The following SOD2 variants were observed in gnomAD, a reference collection of about 807,000 sequenced individuals.
The protein encoded by SOD2 is superoxide dismutase 2.
A neutral mutation model predicts 27.0 loss-of-function variants in SOD2; 11 were observed. The observed-to-expected ratio is 0.41, with a 90% CI of 0.26 to 0.67. The LOEUF (loss-of-function observed/expected upper bound fraction) is 0.67, where lower values mean the gene tolerates loss of function less well. Ranked by LOEUF, SOD2 falls within the 30% of genes least tolerant of loss-of-function variation. SOD2 has a pLI of 0.34. For synonymous variants in SOD2, 105 were observed against 103.0 expected, an observed-to-expected ratio of 1.02 and a Z score of -0.12; for missense variants, 250 against 274.5, an observed-to-expected ratio of 0.91 and a Z score of 0.63.
At chr6:159,712,979 G>T (rs1176042938) in intron 1 of SOD2, 3 of 620,086 alleles carry the variant, frequency 4.8e-6, no homozygotes, top group Non-Finnish European at 8.9e-6. Flanking sequence ...AGCTGCCACT[G>T]CATCTTCGTG....
intron 1 of SOD2, among the ~76,000 whole-genome samples, chr6:159,706,682 C>G (rs1458226429): frequency 6.6e-6 from 1 of 152,102 alleles, no homozygotes; most frequent in Non-Finnish European, 1.5e-5. Flanking sequence ...GACTTTAACA[C>G]CCCACTGTCA....
chr6:159,726,554 TC>T, intron 1 of SOD2: 1 of 343,774 alleles, frequency 2.9e-6, no homozygotes, highest in Admixed American at 4.0e-5. Flanking sequence ...TTTCACGTTC[TC>T]CAGGTAACAC....
At chr6:159,756,594 CT>C (rs3066261) in intron 1 of SOD2, among the ~76,000 whole-genome samples, 24,122 of 94,048 alleles carry the variant, frequency 0.26, 2,604 homozygotes, top group East Asian at 0.4. Context: ...ATTTCTTAGG[CT>C]TTTTTTTTTT....
chr6:159,687,943 G>A (rs780025095), intron 3 of SOD2, among the ~76,000 whole-genome samples, 183 bp downstream of exon 3: 1 of 152,186 alleles, frequency 6.6e-6, no homozygotes, highest in Non-Finnish European at 1.5e-5. Flanking sequence ...CCCAGGAAGC[G>A]GAGGTTGCAG....
At chr6:159,730,143 A>G (rs973639980), upstream of SOD2, among the ~76,000 whole-genome samples, 1 of 152,222 alleles carries the variant, frequency 6.6e-6, no homozygotes, top group Non-Finnish European at 1.5e-5. Flanking sequence ...TTATTAATTA[A>G]TAGCTGTTTT....
upstream of SOD2, among the ~76,000 whole-genome samples, chr6:159,695,623 A>C (rs1777409467): frequency 6.6e-6 from 1 of 152,094 alleles, no homozygotes; most frequent in East Asian, 1.9e-4. Context: ...GCCTCCCAAG[A>C]AGCTGGAACT....
exon 1 of SOD2, chr6:159,761,435 C>G (rs1302417973): frequency 9.1e-6 from 4 of 440,122 alleles, no homozygotes; most frequent in Non-Finnish European, 1.8e-5. Flanking sequence ...CGTTCACAGC[C>G]AGAGTTGATC....
rs896675812 is a variant in SOD2, at chr6:159,675,547, G to A, written c.*6946C>T. ...TGCTGGGAAAACTGGCTAGCCACATGTAGAAAGCTGAAACTGGATCCCTTC... is the reference window on the plus strand; with the variant it reads ...TGCTGGGAAAACTGGCTAGCCACATATAGAAAGCTGAAACTGGATCCCTTC... On this transcript the variant is annotated 3_prime_UTR_variant, in exon 5 of 5. Coordinates refer to ENST00000538183, the MANE Select transcript of SOD2 (RefSeq NM_000636.4). The A allele has an allele frequency of 1.4e-4, 22 of 152,174 alleles. No homozygotes were observed. The highest frequency in any genetic ancestry group is 5.1e-4 in the African/African-American group (21 of 41,428). The allele number at this position is 152,174 out of a possible 1,614,324, so 9.4% of individuals were successfully genotyped here.
At chr6:159,692,505 T>C (rs1036108401) in intron 2 of SOD2, 156 bp downstream of exon 2, 9 of 1,457,960 alleles carry the variant, frequency 6.2e-6, no homozygotes, top group Non-Finnish European at 8.2e-6. Context: ...AGGTAGACCA[T>C]GTGTTTAAAA....
intron 1 of SOD2, among the ~76,000 whole-genome samples, chr6:159,700,370 G>A (rs1006701898): frequency 1.3e-5 from 2 of 152,110 alleles, no homozygotes; most frequent in African/African-American, 4.8e-5. Context: ...AAAATGCATT[G>A]TTGGCCAGGC....
At chr6:159,705,616 G>A (rs2114813102) in intron 1 of SOD2, among the ~76,000 whole-genome samples, 1 of 152,342 alleles carries the variant, frequency 6.6e-6, no homozygotes, top group Middle Eastern at 3.4e-3. Context: ...ATGGGACTAT[G>A]TGAAAAGACC....
At chr6:159,683,897 G>A (rs1379407451) in intron 4 of SOD2, among the ~76,000 whole-genome samples, 1 of 152,222 alleles carries the variant, frequency 6.6e-6, no homozygotes, top group Non-Finnish European at 1.5e-5. Flanking sequence ...GTATTCCAAT[G>A]TCAGGGGTAG....
intron 1 of SOD2, among the ~76,000 whole-genome samples, chr6:159,759,668 CAA>C (rs1189023511): frequency 1.1e-4 from 14 of 127,980 alleles, no homozygotes; most frequent in Admixed American, 1.6e-4. Context: ...AGCTCCGTCT[CAA>C]AAAAAAAAAA....
At chr6:159,719,009 A>G (rs1777975931) in intron 1 of SOD2, among the ~76,000 whole-genome samples, 1 of 151,638 alleles carries the variant, frequency 6.6e-6, no homozygotes, top group South Asian at 2.1e-4. Context: ...CAATAACAAA[A>G]GCTAGACTTA....
At chr6:159,716,568 G>C (rs892650441) in intron 1 of SOD2, among the ~76,000 whole-genome samples, 2 of 152,222 alleles carry the variant, frequency 1.3e-5, no homozygotes, top group African/African-American at 2.4e-5. Context: ...AACTCTGCCT[G>C]CAAGAAGACT....
chr6:159,755,184 C>T, intron 1 of SOD2: 2 of 1,614,134 alleles, frequency 1.2e-6, no homozygotes, highest in East Asian at 2.2e-5. Context: ...AGCAGGACTA[C>T]AGCTTCTGAA....
intron 2 of SOD2, chr6:159,688,459 A>C: frequency 2.1e-6 from 1 of 482,768 alleles, no homozygotes; most frequent in South Asian, 2.4e-5. Flanking sequence ...AAAAGCTAGA[A>C]AATTCACTCC....
intron 1 of SOD2, among the ~76,000 whole-genome samples, chr6:159,759,468 G>A (rs1258368130): frequency 6.6e-6 from 1 of 151,378 alleles, no homozygotes; most frequent in East Asian, 2.0e-4. Flanking sequence ...TCAGGAGTTC[G>A]AGATCAGCCT....
At chr6:159,700,815 G>T (rs922435047) in intron 1 of SOD2, among the ~76,000 whole-genome samples, 1 of 152,050 alleles carries the variant, frequency 6.6e-6, no homozygotes, top group Admixed American at 6.6e-5. Flanking sequence ...TCTGGTCTCT[G>T]GGACATAACA....
Sources: allele counts gnomAD v4.1 joint callset (sites outside exome capture counted in the v4.1 genomes callset), GRCh38; gene constraint gnomAD v4.1.1; transcripts MANE v1.5; gene names NCBI Gene and HGNC (gene_info 2026-07-23, HGNC 2026-07-21).